Variants in LCN15 observed in about 807,000 individuals in gnomAD.
The protein encoded by LCN15 is lipocalin-15.
In LCN15, 26 loss-of-function variants were observed where a neutral mutation model predicts 23.1. That is an observed-to-expected ratio of 1.13 (90% CI 0.82 to 1.56). The LOEUF is 1.56. LCN15 is among the 40% of genes most tolerant of loss of function. The probability of loss-of-function intolerance (pLI) is 0.00; values close to 1 mark genes in which losing one functional copy is unlikely to be tolerated. For synonymous variants in LCN15, 107 were observed against 98.3 expected (o/e 1.09, Z -0.52); for missense variants, 241 against 239.5 (o/e 1.01, Z -0.04).
chr9:136,762,341 C>T (rs1399595815), intron 4 of LCN15, 52 bp from the exon 5 acceptor site: 14 of 1,068,278 alleles, frequency 1.3e-5, no homozygotes, highest in Non-Finnish European at 1.8e-5. Flanking sequence ...GAGTGCAGCA[C>T]GGGGTCTCCT....
At chr9:136,762,115 G>A in intron 5 of LCN15, 73 bp downstream of exon 5, 1 of 946,538 alleles carries the variant, frequency 1.1e-6, no homozygotes, top group Non-Finnish European at 1.6e-6. Flanking sequence ...GCTGTGAGGG[G>A]AAGGAAGGGT....
chr9:136,763,451 G>C lies in LCN15; in HGVS notation c.324C>G (p.Asp108Glu). 6.2e-7 allele frequency: 1 copy of C among 1,607,908 alleles called. No homozygotes were observed. The highest frequency in any genetic ancestry group is 2.2e-5 in the East Asian group (1 of 44,860). The change falls in exon 4 of 7, where the codon GAC becomes GAG. Residue 108 changes from aspartate (D) to glutamate (E), a missense_variant. By Grantham distance (45) the Asp-to-Glu change is conservative (BLOSUM62 2). Coordinates refer to ENST00000316144, the MANE Select transcript of LCN15 (RefSeq NM_203347.2). ...HFRVPALGYL[D>E]VRIVDTDYSS... Reference sequence around the variant, plus strand: ...TGTAGTCTGTGTCCACGATGCGCACGTCCAGGTAGCCCAAGGCTGCGGAGA... The same window carrying C: ...TGTAGTCTGTGTCCACGATGCGCACCTCCAGGTAGCCCAAGGCTGCGGAGA...
chr9:136,762,297 G>T lies in LCN15; in HGVS notation c.419-8C>A. 6.6e-7 allele frequency: 1 copy of T among 1,512,230 alleles called. No individual in the cohort carries two copies. Among genetic ancestry groups the T allele is most frequent in the Non-Finnish European group, 9.1e-7 (1 of 1,100,962 alleles). The allele number at this position is 1,512,230 out of a possible 1,614,324, so 93.7% of individuals were successfully genotyped here. A position where few individuals can be genotyped will look rare whatever the true frequency, so the allele number is the denominator to read the frequency against. ...TCACATCCTGGGTCCGGCCTGGGCA[G>T]AGCAGAGGTCACTGTGAACTCAGCA... On this transcript the variant is annotated splice_polypyrimidine_tract_variant and splice_region_variant and intron_variant, in intron 4 of 6. Coordinates refer to ENST00000316144, the MANE Select transcript of LCN15 (RefSeq NM_203347.2).
chr9:136,760,745 G>A (rs571335408), intron 6 of LCN15, among the ~76,000 whole-genome samples: 4 of 152,340 alleles, frequency 2.6e-5, no homozygotes, highest in Admixed American at 1.3e-4. Context: ...GAGAAGACAA[G>A]GCTCCCACAA....
chr9:136,763,357 T>C lies in LCN15; in HGVS notation c.418A>G (p.Ser140Gly), dbSNP rs775457086. ...GALSTMVQLY[S>G]RTQDVSPQAL... ...GCGGGGAGGTGGGACAGGCACTCACTGTAGAGCTGCACCATGGTGCTGAGG... is the reference window on the plus strand; with the variant it reads ...GCGGGGAGGTGGGACAGGCACTCACCGTAGAGCTGCACCATGGTGCTGAGG... Residue 140 changes from serine (S) to glycine (G), a missense_variant and splice_region_variant, in exon 4 of 7, where the codon AGC becomes GGC. Coordinates refer to ENST00000316144, the MANE Select transcript of LCN15 (RefSeq NM_203347.2). 6.5e-7 allele frequency: 1 copy of C among 1,548,778 alleles called. No individual in the cohort carries two copies. Among genetic ancestry groups the C allele is most frequent in the Non-Finnish European group, 8.8e-7 (1 of 1,140,634 alleles).
chr9:136,763,854 A>G lies in LCN15; in HGVS notation c.236+16T>C. On this transcript the variant is annotated intron_variant, in intron 2 of 6. Transcript: ENST00000316144. ...CTCCCCAGCCCAGCCCAGGCAGCCC[A>G]GCCCAAGTAACTCACCCCGGGAACT... 1.2e-6 allele frequency: 2 copies of G among 1,613,424 alleles called. No individual in the cohort carries two copies. The highest frequency in any genetic ancestry group is 1.7e-6 in the Non-Finnish European group (2 of 1,179,836).
intron 6 of LCN15, among the ~76,000 whole-genome samples, chr9:136,760,559 G>A (rs573583220): frequency 2.5e-4 from 38 of 152,334 alleles, no homozygotes; most frequent in African/African-American, 8.2e-4. Context: ...TGACTGTCAC[G>A]TCAGACACGT....
Position 136,762,254 on chromosome 9 carries a change from A to C in LCN15, c.454T>G (p.Ser152Ala), listed in dbSNP as rs2297723. 1,213,101 of 1,591,992 alleles carry C rather than the reference A, an allele frequency of 0.76. 464,438 individuals carry two copies. Among genetic ancestry groups the C allele is most frequent in the East Asian group, 0.86 (37,578 of 43,626 alleles). Reference sequence around the variant, plus strand: ...AGGGTCGGGTAGAAGTCCTGGAAGGACTTCAGAGCCTGGGGACTCACATCC... The same window carrying C: ...AGGGTCGGGTAGAAGTCCTGGAAGGCCTTCAGAGCCTGGGGACTCACATCC... ...TQDVSPQALKSFQDFYPTLGL... is the reference protein window; with the variant it reads ...TQDVSPQALKAFQDFYPTLGL... Residue 152 changes from serine to alanine, a missense_variant, in exon 5 of 7, where the codon TCC (serine) becomes GCC (alanine). Ser to Ala is a moderately conservative substitution (Grantham distance 99). Coordinates refer to ENST00000316144, the MANE Select transcript of LCN15 (RefSeq NM_203347.2).
Position 136,763,937 on chromosome 9 carries a change from A to G in LCN15, c.169T>C (p.Ser57Pro), listed in dbSNP as rs781261565. ...GGCCTGATGGCCCTGGTGGACATGG[A>G]CAGGTGGTCCTTCTTGCCCAGGAAG... ...RVFLGKKDHLSMSTRAIRPTE... is the reference protein window; with the variant it reads ...RVFLGKKDHLPMSTRAIRPTE... The change falls in exon 2 of 7, where the codon TCC becomes CCC. Residue 57 changes from serine (S) to proline (P), a missense_variant. By Grantham distance (74) the Ser-to-Pro change is moderately conservative (BLOSUM62 -1). Transcript: ENST00000316144. The G allele has an allele frequency of 3.1e-6, 5 of 1,613,628 alleles. No homozygotes were observed. Among genetic ancestry groups the G allele is most frequent in the East Asian group, 2.2e-5 (1 of 44,882 alleles).
chr9:136,762,580 T>G (rs891765616), intron 4 of LCN15, among the ~76,000 whole-genome samples: 1 of 151,992 alleles, frequency 6.6e-6, no homozygotes, highest in African/African-American at 2.4e-5. Context: ...CTCTGTCGGC[T>G]CCAATCGGGG....
At chr9:136,763,313 A>C in intron 4 of LCN15, 44 bp downstream of exon 4, 1 of 1,088,650 alleles carries the variant, frequency 9.2e-7, no homozygotes, top group Non-Finnish European at 1.3e-6. Flanking sequence ...GGCCTGTGGG[A>C]AGTTGGGGAG....
chr9:136,763,665 A>C, intron 3 of LCN15, 48 bp downstream of exon 3: 2 of 1,597,476 alleles, frequency 1.3e-6, no homozygotes, highest in South Asian at 2.2e-5. Flanking sequence ...CGTCACCCCC[A>C]GAGAAGCGGC....
At chr9:136,762,625 G>A (rs1157599863) in intron 4 of LCN15, among the ~76,000 whole-genome samples, 1 of 152,056 alleles carries the variant, frequency 6.6e-6, no homozygotes, top group Non-Finnish European at 1.5e-5. Context: ...AGCCCCAGCC[G>A]GCGCGGTGGC....
chr9:136,760,983 A>G (rs1384739029), intron 6 of LCN15, among the ~76,000 whole-genome samples: 1 of 152,214 alleles, frequency 6.6e-6, no homozygotes, highest in Non-Finnish European at 1.5e-5. Flanking sequence ...GCATCCTCCT[A>G]AGAAGAGGGC....
At chr9:136,762,697 C>T (rs1474356115) in intron 4 of LCN15, among the ~76,000 whole-genome samples, 1 of 152,094 alleles carries the variant, frequency 6.6e-6, no homozygotes, top group East Asian at 1.9e-4. Context: ...GTCAGGAGAT[C>T]GAGACCATCC....
At chr9:136,760,792 G>A (rs1414662166) in intron 6 of LCN15, among the ~76,000 whole-genome samples, 1 of 152,214 alleles carries the variant, frequency 6.6e-6, no homozygotes, top group East Asian at 1.9e-4. Context: ...AGGGAGCCAG[G>A]GGCTGTGTGG....
rs1048624231 is a variant in LCN15, at chr9:136,762,170, C to T, written c.520+18G>A. 19 of 1,346,778 alleles carry T rather than the reference C, an allele frequency of 1.4e-5. No homozygotes were observed. The highest frequency in any genetic ancestry group is 1.2e-4 in the East Asian group (4 of 33,260). The allele number at this position is 1,346,778 out of a possible 1,614,324, so 83.4% of individuals were successfully genotyped here. On this transcript the variant is annotated intron_variant, in intron 5 of 6. Transcript: ENST00000316144. ...GAGAGGCTGGGGGGCATGGGGTGGGCGGGGCTTGCCAGGGTACCTGACTGG... is the reference window on the plus strand; with the variant it reads ...GAGAGGCTGGGGGGCATGGGGTGGGTGGGGCTTGCCAGGGTACCTGACTGG...
intron 6 of LCN15, among the ~76,000 whole-genome samples, chr9:136,760,463 A>G (rs557732926): frequency 6.6e-6 from 1 of 152,338 alleles, no homozygotes; most frequent in Admixed American, 6.5e-5. Context: ...GCAGCACGGC[A>G]GAAACGCAGG....
Position 136,762,856 on chromosome 9 carries a change from G to A in LCN15, c.418+501C>T, listed in dbSNP as rs566218515. The stretch of plus-strand genomic sequence containing the variant: ...GAGAATTGCTTGAACTGGGGAGTCG[G>A]AGGTTGCAGTGAGCCGAGATCGCGC... On this transcript the variant is annotated intron_variant, in intron 4 of 6. Transcript: ENST00000316144. Among the ~76,000 whole-genome samples the A allele has an allele frequency of 9.9e-5, 15 of 151,376 alleles. No individual in the cohort carries two copies. In the South Asian group the frequency reaches 3.1e-3, roughly 32 times the overall value.
Sources: gnomAD v4.1 joint callset for allele counts (sites outside exome capture counted in the v4.1 genomes callset) on GRCh38, gnomAD v4.1.1 for gene constraint, MANE v1.5 for transcripts, NCBI Gene and HGNC (gene_info 2026-07-23, HGNC 2026-07-21) for gene names.